The following LRMDA variants were observed in gnomAD, a reference collection of about 807,000 sequenced individuals.
The protein encoded by LRMDA is leucine-rich melanocyte differentiation-associated protein.
Under a neutral mutation model 29.8 loss-of-function variants are expected in LRMDA, and 18 were observed. The ratio of observed to expected loss-of-function variants is 0.60; its 90% CI spans 0.42 to 0.90. The LOEUF is 0.90. Ranked by LOEUF, LRMDA falls within the 40% of genes least tolerant of loss-of-function variation. The pLI is 0.00. For synonymous variants in LRMDA, 125 were observed against 109.4 expected (o/e 1.14, Z -0.89); for missense variants, 273 against 273.9 (o/e 1.00, Z 0.02).
chr10:75,442,419 T>C (rs544067227), intron 2 of LRMDA, among the ~76,000 whole-genome samples: 14 of 152,340 alleles, frequency 9.2e-5, no homozygotes, highest in African/African-American at 3.4e-4. Context: ...AGAAAAGGGA[T>C]CAATTGTTTT....
intron 2 of LRMDA, among the ~76,000 whole-genome samples, chr10:75,561,486 T>A (rs532545740): frequency 6.6e-6 from 1 of 152,132 alleles, no homozygotes; most frequent in African/African-American, 2.4e-5. Context: ...AACCAGCTCC[T>A]GGATTCATTA....
intron 2 of LRMDA, among the ~76,000 whole-genome samples, chr10:75,873,855 T>A (rs1248374067): frequency 6.6e-6 from 1 of 152,198 alleles, no homozygotes; most frequent in Admixed American, 6.5e-5. Flanking sequence ...TACCTATGGC[T>A]TTCCTGTCAC....
At chr10:76,090,463 G>C (rs1177469710) in intron 5 of LRMDA, among the ~76,000 whole-genome samples, 1 of 152,160 alleles carries the variant, frequency 6.6e-6, no homozygotes, top group Non-Finnish European at 1.5e-5. Flanking sequence ...GAATAGTATG[G>C]TGGTTCCTCA....
rs146510741 is a variant in LRMDA, at chr10:76,232,442, T to C, written c.517-91959T>C. On this transcript the variant is annotated intron_variant, in intron 5 of 6. Transcript: ENST00000611255. ...ACCCAGTGAGATCTAGAAGTTTTTA[T>C]ACCCTCTTCATAGGGGAGAAGAGAG... Among the ~76,000 whole-genome samples, 231 of 152,322 alleles carry C rather than the reference T, an allele frequency of 1.5e-3. 1 individual carries two copies. Among genetic ancestry groups the C allele is most frequent in the African/African-American group, 5.2e-3 (218 of 41,576 alleles).
chr10:76,047,115 A>G (rs1209958326), intron 3 of LRMDA, 49 bp from the exon 4 acceptor site: 1 of 1,608,830 alleles, frequency 6.2e-7, no homozygotes, highest in Admixed American at 1.7e-5. Context: ...GCCTATGCTC[A>G]TTGCTAAGCC....
chr10:75,956,601 C>T (rs928984127), intron 2 of LRMDA, among the ~76,000 whole-genome samples: 5 of 152,106 alleles, frequency 3.3e-5, no homozygotes, highest in Non-Finnish European at 7.3e-5. Context: ...CTCTAATGCC[C>T]GTAGTCTTTC....
At chr10:75,595,976 T>C (rs886535028) in intron 2 of LRMDA, among the ~76,000 whole-genome samples, 1 of 152,214 alleles carries the variant, frequency 6.6e-6, no homozygotes. Flanking sequence ...GTACTAATAA[T>C]GTGATGATAA....
chr10:75,669,806 A>G (rs1345122959), intron 2 of LRMDA, among the ~76,000 whole-genome samples: 1 of 152,242 alleles, frequency 6.6e-6, no homozygotes, highest in Non-Finnish European at 1.5e-5. Context: ...ATATAAAGAC[A>G]TATAAATAGG....
chr10:75,999,120 C>T (rs1012270216), intron 2 of LRMDA, among the ~76,000 whole-genome samples: 1 of 152,184 alleles, frequency 6.6e-6, no homozygotes. Context: ...AATAGCATGT[C>T]ACACAGCTGG....
At chr10:76,008,504 A>G (rs1847714508) in intron 2 of LRMDA, among the ~76,000 whole-genome samples, 1 of 152,232 alleles carries the variant, frequency 6.6e-6, no homozygotes, top group Admixed American at 6.5e-5. Context: ...TTTGCCTTCA[A>G]TTCCGAGGCT....
Position 76,178,413 on chromosome 10 carries a change from T to G in LRMDA, c.516+119630T>G, listed in dbSNP as rs77306028. On this transcript the variant is annotated intron_variant, in intron 5 of 6. Coordinates refer to ENST00000611255, the MANE Select transcript of LRMDA (RefSeq NM_001305581.2). ...GCTGTAATTGAATACATTAATCCTG[T>G]GGCATTTTCACCCATTAGCACTGCA... 2.8e-3 allele frequency among the ~76,000 whole-genome samples: 422 copies of G among 152,300 alleles called. 1 individual carries two copies. The highest frequency in any genetic ancestry group is 6.9e-3 in the African/African-American group (287 of 41,574).
intron 5 of LRMDA, among the ~76,000 whole-genome samples, chr10:76,093,652 G>A (rs1564651050): frequency 6.6e-6 from 1 of 151,592 alleles, no homozygotes; most frequent in Non-Finnish European, 1.5e-5. Flanking sequence ...TTCCTTTACT[G>A]CTCATATCAT....
At chr10:75,932,685 G>A (rs573466615) in intron 2 of LRMDA, among the ~76,000 whole-genome samples, 2 of 152,204 alleles carry the variant, frequency 1.3e-5, no homozygotes, top group East Asian at 1.9e-4. Context: ...CAACCAGCCT[G>A]AGTAAATTAT....
At chr10:76,221,720 T>G (rs1288116122) in intron 5 of LRMDA, among the ~76,000 whole-genome samples, 2 of 152,130 alleles carry the variant, frequency 1.3e-5, no homozygotes, top group Non-Finnish European at 2.9e-5. Flanking sequence ...TTCAATGCCA[T>G]CCCCATCAAG....
At chr10:76,026,699 A>T (rs927384609) in intron 2 of LRMDA, among the ~76,000 whole-genome samples, 3 of 152,160 alleles carry the variant, frequency 2.0e-5, no homozygotes, top group Admixed American at 6.5e-5. Flanking sequence ...CCCTCTTCCT[A>T]CCAGACTGAC....
At chr10:75,866,525 G>A (rs1228808432) in intron 2 of LRMDA, among the ~76,000 whole-genome samples, 1 of 152,194 alleles carries the variant, frequency 6.6e-6, no homozygotes, top group Non-Finnish European at 1.5e-5. Context: ...TTCAGAGAGA[G>A]GCATGGGCAG....
intron 2 of LRMDA, among the ~76,000 whole-genome samples, chr10:75,590,944 A>T (rs949520072): frequency 6.6e-6 from 1 of 152,010 alleles, no homozygotes; most frequent in East Asian, 1.9e-4. Flanking sequence ...GGGTTTCACC[A>T]TGTTGGCCAG....
chr10:76,212,269 A>AT (rs533888320), intron 5 of LRMDA, among the ~76,000 whole-genome samples: 57 of 135,376 alleles, frequency 4.2e-4, no homozygotes, highest in African/African-American at 1.4e-3. Context: ...ACACACACAT[A>AT]AAAAAAAAAA....
chr10:75,862,389 G>C (rs1050608801), intron 2 of LRMDA, among the ~76,000 whole-genome samples: 3 of 152,104 alleles, frequency 2.0e-5, no homozygotes, highest in African/African-American at 7.2e-5. Flanking sequence ...TTAAGAAAAA[G>C]GTAGTGAAAG....
Sources: gnomAD v4.1 joint callset for allele counts (sites outside exome capture counted in the v4.1 genomes callset) on GRCh38, gnomAD v4.1.1 for gene constraint, MANE v1.5 for transcripts, NCBI Gene and HGNC (gene_info 2026-07-23, HGNC 2026-07-21) for gene names.